Variants in SLC1A7 observed in about 807,000 individuals in gnomAD.
The protein encoded by SLC1A7 is solute carrier family 1 member 7.
SLC1A7 carries 40 observed loss-of-function variants against 47.7 expected under a neutral mutation model. The ratio of observed to expected loss-of-function variants is 0.84; its 90% CI spans 0.65 to 1.09. SLC1A7 has a LOEUF of 1.09. Among genes scored for constraint, SLC1A7 ranks in the 50% least tolerant of loss-of-function variants. The pLI is 0.00. For missense variants in SLC1A7, 746 were observed against 769.5 expected, an observed-to-expected ratio of 0.97 and a Z score of 0.36; for synonymous variants, 323 against 325.6, an observed-to-expected ratio of 0.99 and a Z score of 0.09.
chr1:53,142,300 C>A lies in SLC1A7; in HGVS notation c.135+15G>T. 1 of 1,552,606 alleles carries A rather than the reference C, an allele frequency of 6.4e-7. No individual in the cohort carries two copies. The highest frequency in any genetic ancestry group is 8.7e-7 in the Non-Finnish European group (1 of 1,147,548). On this transcript the variant is annotated intron_variant, in intron 1 of 10. Transcript: ENST00000371494. ...CCTCCTGGACAGGGGTCCCGAGATG[C>A]TCTGGGTGGCTGACCTGTGGTGAGA...
At chr1:53,103,236 A>G (rs1026828340) in intron 5 of SLC1A7, 110 bp downstream of exon 5, 4 of 796,562 alleles carry the variant, frequency 5.0e-6, no homozygotes, top group Non-Finnish European at 7.8e-6. Context: ...TTTCACAGTA[A>G]ACCTCTCCAG....
At chr1:53,090,374 G>A (rs970130906) in intron 8 of SLC1A7, 24 of 611,806 alleles carry the variant, frequency 3.9e-5, no homozygotes, top group African/African-American at 9.3e-5. Flanking sequence ...CCTGCCACAC[G>A]GGCGGCCTCT....
intron 2 of SLC1A7, chr1:53,118,588 G>A (rs1644787294): frequency 6.6e-6 from 1 of 152,042 alleles, no homozygotes; most frequent in Admixed American, 6.5e-5. Flanking sequence ...ATTTTCTAGT[G>A]GTCACATTAA....
In SLC1A7 at chr1:53,142,539, C is replaced by A; in HGVS notation, c.-90G>T. The A allele has an allele frequency of 4.2e-6, 6 of 1,431,616 alleles. No homozygotes were observed. The highest frequency in any genetic ancestry group is 5.6e-6 in the Non-Finnish European group (6 of 1,068,304). The allele number at this position is 1,431,616 out of a possible 1,614,324, so 88.7% of individuals were successfully genotyped here. A position where few individuals can be genotyped will look rare whatever the true frequency, so the allele number is the denominator to read the frequency against. ...ACAGGGTCTGGGCTGAGGGCTCTAG[C>A]CCCTCAGCAGGCAGGTGGTCGGAGT... On this transcript the variant is annotated 5_prime_UTR_variant, in exon 1 of 11. Coordinates refer to ENST00000371494, the MANE Select transcript of SLC1A7 (RefSeq NM_006671.6).
intron 1 of SLC1A7, among the ~76,000 whole-genome samples, chr1:53,136,063 G>A (rs1209771920): frequency 6.6e-6 from 1 of 151,472 alleles, no homozygotes; most frequent in East Asian, 1.9e-4. Flanking sequence ...AATGTTAACC[G>A]CAGCACAGGA....
intron 3 of SLC1A7, 131 bp downstream of exon 3, chr1:53,114,627 C>T (rs1644735506): frequency 2.6e-6 from 2 of 763,642 alleles, no homozygotes; most frequent in South Asian, 3.4e-5. Flanking sequence ...CAGCCCAGAG[C>T]TCAACCCACC....
intron 2 of SLC1A7, among the ~76,000 whole-genome samples, chr1:53,126,951 C>T (rs544779339): frequency 1.3e-4 from 19 of 151,672 alleles, no homozygotes; most frequent in Non-Finnish European, 2.5e-4. Context: ...CAGGCTCAAC[C>T]TTCTGGGCTC....
intron 2 of SLC1A7, among the ~76,000 whole-genome samples, chr1:53,124,597 A>G (rs918177574): frequency 6.6e-6 from 1 of 152,064 alleles, no homozygotes; most frequent in East Asian, 1.9e-4. Context: ...GTGAGGTGCA[A>G]AGTCTAGCCT....
At chr1:53,110,817 C>T (rs1041591445) in intron 3 of SLC1A7, among the ~76,000 whole-genome samples, 22 of 152,086 alleles carry the variant, frequency 1.4e-4, no homozygotes, top group African/African-American at 5.3e-4. Flanking sequence ...GTGCAAAGCC[C>T]ACAGTGCGGC....
chr1:53,136,652 T>TATAAAAACA (rs1394493014), intron 1 of SLC1A7, among the ~76,000 whole-genome samples: 2 of 42,054 alleles, frequency 4.8e-5, no homozygotes, highest in African/African-American at 2.1e-4. Context: ...CATATATATA[T>TATAAAAACA]TATATATATA....
intron 4 of SLC1A7, among the ~76,000 whole-genome samples, chr1:53,104,216 T>A (rs1644614728): frequency 1.3e-5 from 2 of 152,224 alleles, no homozygotes; most frequent in Non-Finnish European, 2.9e-5. Context: ...AAGTCTCTGC[T>A]TCCTTTTCCT....
chr1:53,110,013 C>A (rs1268824493), intron 3 of SLC1A7, among the ~76,000 whole-genome samples: 2 of 152,232 alleles, frequency 1.3e-5, no homozygotes. Flanking sequence ...CCCAAACCCA[C>A]CAGCTTCCCA....
chr1:53,089,745 G>C, intron 9 of SLC1A7, 55 bp downstream of exon 9: 7 of 1,593,506 alleles, frequency 4.4e-6, no homozygotes, highest in Non-Finnish European at 6.0e-6. Flanking sequence ...GATCCCTGCT[G>C]ACCCTGAAGT....
At chr1:53,124,718 C>T (rs1007349081) in intron 2 of SLC1A7, among the ~76,000 whole-genome samples, 1 of 152,184 alleles carries the variant, frequency 6.6e-6, no homozygotes, top group South Asian at 2.1e-4. Flanking sequence ...CAGCATTGTG[C>T]CTATTTTATG....
chr1:53,121,398 C>T (rs1380043134), intron 2 of SLC1A7, among the ~76,000 whole-genome samples: 3 of 152,186 alleles, frequency 2.0e-5, no homozygotes, highest in East Asian at 1.9e-4. Flanking sequence ...TGTGTGACAT[C>T]GAGACAGTTG....
At chr1:53,138,214 C>A (rs906886473) in intron 1 of SLC1A7, among the ~76,000 whole-genome samples, 1 of 152,124 alleles carries the variant, frequency 6.6e-6, no homozygotes, top group African/African-American at 2.4e-5. Flanking sequence ...TGGTTTTATT[C>A]CACCAGAACC....
intron 2 of SLC1A7, among the ~76,000 whole-genome samples, chr1:53,130,561 C>A (rs1287546714): frequency 3.4e-5 from 5 of 145,864 alleles, no homozygotes; most frequent in African/African-American, 7.5e-5. Flanking sequence ...CTTCCTGGGT[C>A]ACAGCTTGGA....
intron 1 of SLC1A7, among the ~76,000 whole-genome samples, chr1:53,139,790 T>G (rs1314989530): frequency 1.3e-5 from 2 of 152,170 alleles, no homozygotes; most frequent in Non-Finnish European, 2.9e-5. Context: ...TTTTATATTC[T>G]CTTTATTCTT....
chr1:53,101,535 G>A (rs34322627), intron 5 of SLC1A7, among the ~76,000 whole-genome samples: 81,348 of 140,348 alleles, frequency 0.58, 26,010 homozygotes, highest in Non-Finnish European at 0.73. Flanking sequence ...ACCCTGACTC[G>A]TCACACTCAC....
Sources: allele counts gnomAD v4.1 joint callset (sites outside exome capture counted in the v4.1 genomes callset), GRCh38; gene constraint gnomAD v4.1.1; transcripts MANE v1.5; gene names NCBI Gene and HGNC (gene_info 2026-07-23, HGNC 2026-07-21).